Variants in NPC1 observed in about 807,000 individuals in gnomAD.
The protein encoded by NPC1 is NPC intracellular cholesterol transporter 1.
Under a neutral mutation model 140.4 loss-of-function variants are expected in NPC1, and 85 were observed. That is an observed-to-expected ratio of 0.61 (90% CI 0.51 to 0.72). NPC1 has a LOEUF of 0.72. NPC1 is among the 30% of genes least tolerant of loss of function. The probability of loss-of-function intolerance (pLI) is 0.00; values close to 1 mark genes in which losing one functional copy is unlikely to be tolerated. For synonymous variants in NPC1, 656 were observed against 624.8 expected (o/e 1.05, Z -0.74); for missense variants, 1,504 against 1,623.8 (o/e 0.93, Z 1.27).
At chr18:23,540,587 T>A in intron 16 of NPC1, 50 bp from the exon 17 acceptor site, 2 of 1,284,738 alleles carry the variant, frequency 1.6e-6, no homozygotes, top group South Asian at 2.4e-5. Context: ...TAAATAAGCT[T>A]ACGACCAGAA....
rs146219325 is a variant in NPC1, at chr18:23,533,665, T to C, written c.3592-148A>G. On this transcript the variant is annotated intron_variant, in intron 23 of 24. Transcript: ENST00000269228. Reference sequence around the variant, plus strand: ...GGGATTAAACAGGTGCACGCCACCATGCCTGGCTAATTTTTGTGTTTTTAG... The same window carrying C: ...GGGATTAAACAGGTGCACGCCACCACGCCTGGCTAATTTTTGTGTTTTTAG... 1.1e-3 allele frequency: 810 copies of C among 745,270 alleles called. 7 individuals are homozygous for C. The African/African-American group carries it at 0.013, about 12-fold the overall frequency. 46.2% of individuals were successfully genotyped at this position (745,270 alleles called of 1,614,324 possible).
At chr18:23,581,480 G>A (rs1007128902) in intron 1 of NPC1, among the ~76,000 whole-genome samples, 2 of 151,924 alleles carry the variant, frequency 1.3e-5, no homozygotes, top group Admixed American at 1.3e-4. Flanking sequence ...GTGACCTTGG[G>A]ACAAATTTGA....
At chr18:23,572,244 A>C in intron 2 of NPC1, 64 bp from the exon 3 acceptor site, 1 of 1,052,872 alleles carries the variant, frequency 9.5e-7, no homozygotes, top group Non-Finnish European at 1.5e-6. Flanking sequence ...AACATTCCTC[A>C]GTGAACTAAG....
chr18:23,538,759 T>C (rs954780870), intron 19 of NPC1, 88 bp from the exon 20 acceptor site: 2 of 1,382,966 alleles, frequency 1.4e-6, no homozygotes, highest in East Asian at 2.3e-5. Context: ...GTGAGGGGCA[T>C]TACTTTCTTC....
chr18:23,572,496 T>C (rs1174917014), intron 2 of NPC1, among the ~76,000 whole-genome samples: 1 of 152,204 alleles, frequency 6.6e-6, no homozygotes. Context: ...CTATTTCTAT[T>C]AGTAATTCCA....
rs1031714370 is a variant in NPC1, at chr18:23,539,237, G to A, written c.2911+118C>T. ...ACTGAGGAAAGGAATGATGACACAG[G>A]GAGACCCAGCTTTGATATACAAATA... On this transcript the variant is annotated intron_variant, in intron 19 of 24. Transcript: ENST00000269228. 8 of 744,690 alleles carry A rather than the reference G, an allele frequency of 1.1e-5. No homozygotes were observed. The African/African-American group carries it at 1.4e-4, about 13-fold the overall frequency. The allele number at this position is 744,690 out of a possible 1,614,324, so 46.1% of individuals were successfully genotyped here.
At chr18:23,565,956 T>G (rs935482134) in intron 4 of NPC1, among the ~76,000 whole-genome samples, 11 of 152,190 alleles carry the variant, frequency 7.2e-5, no homozygotes, top group African/African-American at 2.7e-4. Flanking sequence ...TCTGAGTAAT[T>G]CCCTCGTATC....
chr18:23,535,353 C>A, intron 22 of NPC1, 116 bp downstream of exon 22: 2 of 797,930 alleles, frequency 2.5e-6, no homozygotes, highest in South Asian at 1.5e-5. Flanking sequence ...GTGCCAAGAG[C>A]AAGCGCCAGA....
downstream of NPC1, chr18:23,530,513 G>A (rs778625270): frequency 1.5e-5 from 24 of 1,614,122 alleles, no homozygotes; most frequent in Non-Finnish European, 3.4e-6. Flanking sequence ...ATTTTTAGAT[G>A]CTGCAAAGCA....
chr18:23,557,093 T>C (rs1442357880), intron 7 of NPC1, 24 bp downstream of exon 7: 1 of 1,586,298 alleles, frequency 6.3e-7, no homozygotes, highest in Non-Finnish European at 8.7e-7. Context: ...CTGAACCCTT[T>C]TATTCATGGA....
chr18:23,540,409 A>T, intron 17 of NPC1, 39 bp downstream of exon 17: 1 of 1,295,738 alleles, frequency 7.7e-7, no homozygotes, highest in Non-Finnish European at 1.1e-6. Context: ...ATCATCAGCT[A>T]AAGAAGTTAA....
chr18:23,516,314 A>C, intron 3 of NPC1: 2 of 1,614,110 alleles, frequency 1.2e-6, no homozygotes, highest in Non-Finnish European at 1.7e-6. Context: ...TTTTCCCCCT[A>C]AACAGGCTGG....
intron 4 of NPC1, among the ~76,000 whole-genome samples, chr18:23,567,243 G>A (rs549855346): frequency 6.6e-6 from 1 of 152,288 alleles, no homozygotes; most frequent in South Asian, 2.1e-4. Context: ...ATCTTCCAAG[G>A]TGGCTGTACC....
intron 3 of NPC1, chr18:23,507,190 A>C (rs2057737219): frequency 3.9e-6 from 2 of 511,216 alleles, no homozygotes; most frequent in African/African-American, 2.0e-5. Flanking sequence ...GTTGCATTGT[A>C]TTAGAGCCTT....
At position 23,544,384 on chromosome 18, in the gene NPC1, A is replaced by G. The variant is rs886053665; in HGVS notation, c.2090T>C (p.Val697Ala). 6.2e-7 allele frequency: 1 copy of G among 1,614,196 alleles called. No homozygotes were observed. Among genetic ancestry groups the G allele is most frequent in the Non-Finnish European group, 8.5e-7 (1 of 1,180,040 alleles). Residue 697 changes from valine to alanine, a missense_variant, in exon 13 of 25, where the codon GTT (valine) becomes GCT (alanine). Coordinates refer to ENST00000269228, the MANE Select transcript of NPC1 (RefSeq NM_000271.5). ...CAGAATGAAGATGTTGTCCACTCCAACAGCCAGCACCAGGAACGGGATGAC... is the reference window on the plus strand; with the variant it reads ...CAGAATGAAGATGTTGTCCACTCCAGCAGCCAGCACCAGGAACGGGATGAC... ...IEVIPFLVLAVGVDNIFILVQ... is the reference protein window; with the variant it reads ...IEVIPFLVLAAGVDNIFILVQ...
intron 21 of NPC1, 37 bp from the exon 22 acceptor site, chr18:23,535,737 C>A: frequency 7.3e-7 from 1 of 1,370,638 alleles, no homozygotes; most frequent in South Asian, 1.2e-5. Context: ...AAAGCTCGCT[C>A]TCACTCCCGA....
At chr18:23,534,423 G>T in intron 23 of NPC1, 23 bp downstream of exon 23, 1 of 1,507,908 alleles carries the variant, frequency 6.6e-7, no homozygotes, top group South Asian at 1.1e-5. Flanking sequence ...CTCTGCCGGC[G>T]TGGCCCTGCT....
intron 4 of NPC1, 46 bp from the exon 5 acceptor site, chr18:23,561,573 T>G (rs2059039992): frequency 1.9e-6 from 3 of 1,596,232 alleles, no homozygotes; most frequent in Non-Finnish European, 2.6e-6. Flanking sequence ...ATGCTTGCTG[T>G]AATTCACGAG....
intron 6 of NPC1, among the ~76,000 whole-genome samples, chr18:23,559,708 G>C (rs1004656428): frequency 5.9e-5 from 9 of 152,062 alleles, no homozygotes; most frequent in Admixed American, 5.2e-4. Context: ...CCAGCACTCT[G>C]GGAGGCCAAG....
Sources: allele counts gnomAD v4.1 joint callset (sites outside exome capture counted in the v4.1 genomes callset), GRCh38; gene constraint gnomAD v4.1.1; transcripts MANE v1.5; gene names NCBI Gene and HGNC (gene_info 2026-07-23, HGNC 2026-07-21).